CSGALNACT1: variants seen among roughly 807,000 people sequenced by gnomAD.
The protein encoded by CSGALNACT1 is chondroitin sulfate N-acetylgalactosaminyltransferase 1.
In CSGALNACT1, 52 loss-of-function variants were observed where a neutral mutation model predicts 51.0. That is an observed-to-expected ratio of 1.02 (90% CI 0.82 to 1.29). The LOEUF (loss-of-function observed/expected upper bound fraction) is 1.29, where lower values mean the gene tolerates loss of function less well. CSGALNACT1 is among the 50% of genes most tolerant of loss of function. CSGALNACT1 has a pLI of 0.00. For missense variants in CSGALNACT1, 935 were observed against 679.2 expected, an observed-to-expected ratio of 1.38 and a Z score of -4.19; for synonymous variants, 341 against 254.4, an observed-to-expected ratio of 1.34 and a Z score of -3.24.
intron 3 of CSGALNACT1, among the ~76,000 whole-genome samples, chr8:19,556,564 T>C (rs1236297992): frequency 6.6e-6 from 1 of 152,336 alleles, no homozygotes; most frequent in East Asian, 1.9e-4. Context: ...CCAAGACTGC[T>C]GACCAATAGT....
chr8:19,535,681 T>C (rs2083594757), intron 3 of CSGALNACT1, among the ~76,000 whole-genome samples: 1 of 152,226 alleles, frequency 6.6e-6, no homozygotes, highest in South Asian at 2.1e-4. Flanking sequence ...ACCCATCCAT[T>C]TAATCTGATG....
chr8:19,509,457 A>T (rs1032815459), intron 3 of CSGALNACT1, among the ~76,000 whole-genome samples: 1 of 151,916 alleles, frequency 6.6e-6, no homozygotes, highest in Non-Finnish European at 1.5e-5. Flanking sequence ...CGCCTCTACT[A>T]AAAATACAAA....
intron 5 of CSGALNACT1, among the ~76,000 whole-genome samples, chr8:19,452,619 T>C (rs576402758): frequency 6.6e-6 from 1 of 152,108 alleles, no homozygotes; most frequent in Non-Finnish European, 1.5e-5. Flanking sequence ...CTCTGACTGG[T>C]AGGCGTGGAA....
chr8:19,648,917 T>C (rs750812106), intron 1 of CSGALNACT1, among the ~76,000 whole-genome samples: 5 of 152,200 alleles, frequency 3.3e-5, no homozygotes, highest in Non-Finnish European at 5.9e-5. Flanking sequence ...ATGCAGTAGC[T>C]CTATACCTAA....
At chr8:19,702,863 G>A (rs902170616) in intron 1 of CSGALNACT1, among the ~76,000 whole-genome samples, 16 of 152,154 alleles carry the variant, frequency 1.1e-4, no homozygotes, top group African/African-American at 3.4e-4. Flanking sequence ...TCCCCTAAAG[G>A]GAATCAGTGT....
At chr8:19,662,676 G>A (rs1017244591) in intron 1 of CSGALNACT1, among the ~76,000 whole-genome samples, 2 of 152,172 alleles carry the variant, frequency 1.3e-5, no homozygotes, top group African/African-American at 2.4e-5. Context: ...GTGGATGCTA[G>A]GGTGTGTGTG....
chr8:19,550,322 A>T (rs1465885262), intron 3 of CSGALNACT1, among the ~76,000 whole-genome samples: 1 of 152,106 alleles, frequency 6.6e-6, no homozygotes, highest in Non-Finnish European at 1.5e-5. Flanking sequence ...TGGACTTCTT[A>T]AAGTGAGCCT....
intron 3 of CSGALNACT1, among the ~76,000 whole-genome samples, chr8:19,569,303 G>A (rs1018204732): frequency 6.6e-6 from 1 of 152,180 alleles, no homozygotes; most frequent in Non-Finnish European, 1.5e-5. Context: ...AGAGGCTATT[G>A]ATCATGGCAC....
chr8:19,679,363 G>C (rs2154207198), intron 1 of CSGALNACT1, among the ~76,000 whole-genome samples: 1 of 152,180 alleles, frequency 6.6e-6, no homozygotes, highest in Non-Finnish European at 1.5e-5. Context: ...GCTGAGGTGA[G>C]AGAACTGGCT....
chr8:19,615,762 A>G (rs1271542471), intron 1 of CSGALNACT1, among the ~76,000 whole-genome samples: 1 of 152,226 alleles, frequency 6.6e-6, no homozygotes, highest in African/African-American at 2.4e-5. Context: ...GAGGAGCAAG[A>G]TGTATCCAGA....
chr8:19,599,715 C>A (rs768098405), intron 2 of CSGALNACT1, among the ~76,000 whole-genome samples: 1 of 152,198 alleles, frequency 6.6e-6, no homozygotes, highest in Non-Finnish European at 1.5e-5. Flanking sequence ...AGTAGCAGGA[C>A]AGGGAACACT....
chr8:19,755,995 T>C (rs992271671), intron 1 of CSGALNACT1, among the ~76,000 whole-genome samples: 1 of 152,204 alleles, frequency 6.6e-6, no homozygotes. Context: ...TATGCACTAT[T>C]ACAAAACGTG....
chr8:19,696,859 G>A (rs1421683386), intron 1 of CSGALNACT1, among the ~76,000 whole-genome samples: 5 of 152,152 alleles, frequency 3.3e-5, no homozygotes, highest in Admixed American at 6.5e-5. Context: ...TAAACGCTGA[G>A]TGGGCATTTC....
intron 6 of CSGALNACT1, among the ~76,000 whole-genome samples, chr8:19,431,534 TTC>T (rs1181245724): frequency 6.6e-6 from 1 of 152,060 alleles, no homozygotes; most frequent in Non-Finnish European, 1.5e-5. Context: ...TTGCATATAA[TTC>T]TTTTTTTTTA....
chr8:19,620,531 C>T (rs1677320079), intron 1 of CSGALNACT1, among the ~76,000 whole-genome samples: 1 of 151,672 alleles, frequency 6.6e-6, no homozygotes, highest in Non-Finnish European at 1.5e-5. Flanking sequence ...CTCCCATGCT[C>T]AAGCGATCCT....
chr8:19,707,649 A>T (rs1395871451), intron 1 of CSGALNACT1, among the ~76,000 whole-genome samples: 8 of 118,894 alleles, frequency 6.7e-5, no homozygotes, highest in African/African-American at 2.4e-4. Context: ...AAGACTAGAT[A>T]AACAGTATAT....
intron 9 of CSGALNACT1, among the ~76,000 whole-genome samples, chr8:19,407,917 G>GTGTC (rs1162435489): frequency 2.5e-5 from 2 of 79,286 alleles, no homozygotes; most frequent in African/African-American, 6.8e-5. Context: ...GTGTGTGTGT[G>GTGTC]TGTGTGTGTG....
chr8:19,445,029 G>A (rs747329166), intron 5 of CSGALNACT1, among the ~76,000 whole-genome samples: 1 of 152,162 alleles, frequency 6.6e-6, no homozygotes. Flanking sequence ...GTGGAAGAAA[G>A]AGCACCTCAG....
At chr8:19,414,811 T>C (rs956688664) in intron 8 of CSGALNACT1, among the ~76,000 whole-genome samples, 8 of 152,216 alleles carry the variant, frequency 5.3e-5, no homozygotes, top group African/African-American at 1.9e-4. Context: ...CCCTTCACCT[T>C]TGATACTGAT....
Sources: allele counts gnomAD v4.1 joint callset (sites outside exome capture counted in the v4.1 genomes callset), GRCh38; gene constraint gnomAD v4.1.1; transcripts MANE v1.5; gene names NCBI Gene and HGNC (gene_info 2026-07-23, HGNC 2026-07-21).